Variants in FLRT2 observed in about 807,000 individuals in gnomAD.
FLRT2 encodes leucine-rich repeat transmembrane protein FLRT2.
FLRT2 carries 15 observed loss-of-function variants against 40.0 expected under a neutral mutation model. The ratio of observed to expected loss-of-function variants is 0.38; its 90% CI spans 0.25 to 0.58. FLRT2 has a LOEUF of 0.58. Ranked by LOEUF, FLRT2 falls within the 20% of genes least tolerant of loss-of-function variation. The pLI is 0.71. For missense variants in FLRT2, 726 were observed against 840.0 expected (o/e 0.86, Z 1.68); for synonymous variants, 380 against 336.8 (o/e 1.13, Z -1.41).
At chr14:85,537,710 G>A (rs1166335106) in intron 1 of FLRT2, among the ~76,000 whole-genome samples, 1 of 151,800 alleles carries the variant, frequency 6.6e-6, no homozygotes. Context: ...CACAAATATT[G>A]TAATAAAAAT....
intron 1 of FLRT2, among the ~76,000 whole-genome samples, chr14:85,535,956 T>A (rs1888637398): frequency 7.6e-6 from 1 of 131,164 alleles, no homozygotes; most frequent in Non-Finnish European, 1.6e-5. Context: ...TTAAAGCCCA[T>A]GTCTTAACAC....
At position 85,550,230 on chromosome 14, in the gene FLRT2, TAG is replaced by T. The variant is rs576689288; in HGVS notation, c.-377+19697_-377+19698del. 5.0e-3 allele frequency among the ~76,000 whole-genome samples: 765 copies of T among 152,178 alleles called. 4 individuals carry two copies. Among genetic ancestry groups the T allele is most frequent in the Non-Finnish European group, 7.9e-3 (539 of 67,992 alleles). On this transcript the variant is annotated intron_variant, in intron 1 of 1. Transcript: ENST00000330753. ...CAGCTTGTCACTATAAACGAGAAAA[TAG>T]CCACATTCGTAATATATTCTATGGG...
At chr14:85,554,372 T>C (rs1459404563) in intron 1 of FLRT2, among the ~76,000 whole-genome samples, 1 of 152,198 alleles carries the variant, frequency 6.6e-6, no homozygotes, top group East Asian at 1.9e-4. Context: ...TGTGCTTCAT[T>C]TTCTGATATA....
rs1172513592 is a variant in FLRT2 at position 85,632,897 on chromosome 14, T to G, written c.*9400T>G. On this transcript the variant is annotated 3_prime_UTR_variant, in exon 2 of 2. Transcript: ENST00000330753. Reference sequence around the variant, plus strand: ...TTGCACTTTAGGGTTATCAGTGTACTTTTCCTAAAATGGGGACAATGATGT... The same window carrying G: ...TTGCACTTTAGGGTTATCAGTGTACGTTTCCTAAAATGGGGACAATGATGT... 1 of 152,246 alleles carries G rather than the reference T, an allele frequency of 6.6e-6. No homozygotes were observed. The highest frequency in any genetic ancestry group is 1.9e-4 in the East Asian group (1 of 5,190). 9.4% of individuals were successfully genotyped at this position (152,246 alleles called of 1,614,324 possible).
chr14:85,610,335 G>T (rs1170296865), intron 1 of FLRT2, among the ~76,000 whole-genome samples: 1 of 152,028 alleles, frequency 6.6e-6, no homozygotes, highest in East Asian at 1.9e-4. Flanking sequence ...CCAGGCTCTT[G>T]TTCTTGATAA....
intron 1 of FLRT2, among the ~76,000 whole-genome samples, chr14:85,604,240 AG>A (rs1343945815): frequency 2.6e-5 from 4 of 152,192 alleles, no homozygotes; most frequent in Non-Finnish European, 5.9e-5. Context: ...CGCCTAGGAA[AG>A]GTAAGTGATG....
At chr14:85,566,558 T>TGTGTGTGTGCGTGTGTGTGTGTGTGTGC (rs71120520) in intron 1 of FLRT2, among the ~76,000 whole-genome samples, 1 of 150,920 alleles carries the variant, frequency 6.6e-6, no homozygotes, top group Non-Finnish European at 1.5e-5. Flanking sequence ...GTTGTGTGTG[T>TGTGTGTGTGCGTGTGTGTGTGTGTGTGC]GTGTGTGTGT....
intron 1 of FLRT2, among the ~76,000 whole-genome samples, chr14:85,585,408 C>T (rs1031917053): frequency 6.6e-6 from 1 of 152,106 alleles, no homozygotes; most frequent in Non-Finnish European, 1.5e-5. Flanking sequence ...TTTGATGGGG[C>T]CCAGCAGTGT....
chr14:85,596,853 A>G (rs1892162037), intron 1 of FLRT2, among the ~76,000 whole-genome samples: 1 of 152,154 alleles, frequency 6.6e-6, no homozygotes, highest in Non-Finnish European at 1.5e-5. Flanking sequence ...GCTGGGAGAG[A>G]GCATATGGCC....
intron 1 of FLRT2, among the ~76,000 whole-genome samples, chr14:85,590,789 G>A (rs560851561): frequency 6.6e-6 from 1 of 152,050 alleles, no homozygotes; most frequent in South Asian, 2.1e-4. Context: ...GTAGAGATGG[G>A]GTTTCACCAT....
intron 1 of FLRT2, among the ~76,000 whole-genome samples, chr14:85,607,723 G>C (rs1892684821): frequency 6.6e-6 from 1 of 152,122 alleles, no homozygotes; most frequent in Non-Finnish European, 1.5e-5. Context: ...AATTAGTTGT[G>C]GCATGCTTGT....
At chr14:85,565,739 G>T (rs189069333) in intron 1 of FLRT2, among the ~76,000 whole-genome samples, 18 of 152,252 alleles carry the variant, frequency 1.2e-4, no homozygotes, top group African/African-American at 3.9e-4. Context: ...AAGAATCCTA[G>T]ATTGAAAGCT....
At chr14:85,605,179 A>G (rs2139340311) in intron 1 of FLRT2, among the ~76,000 whole-genome samples, 1 of 152,342 alleles carries the variant, frequency 6.6e-6, no homozygotes. Flanking sequence ...ATTGTCAAGA[A>G]AGACCATTTA....
chr14:85,569,390 C>A (rs1890790839), intron 1 of FLRT2, among the ~76,000 whole-genome samples: 1 of 152,162 alleles, frequency 6.6e-6, no homozygotes, highest in African/African-American at 2.4e-5. Flanking sequence ...GTACCAGGAG[C>A]AGCAGGGAGG....
intron 1 of FLRT2, among the ~76,000 whole-genome samples, chr14:85,563,945 G>C (rs1022328330): frequency 2.6e-5 from 4 of 152,168 alleles, no homozygotes; most frequent in African/African-American, 9.7e-5. Context: ...GGGAAGACAT[G>C]AGAGTTTAAA....
At chr14:85,580,019 T>C (rs1434534188) in intron 1 of FLRT2, among the ~76,000 whole-genome samples, 3 of 151,368 alleles carry the variant, frequency 2.0e-5, no homozygotes, top group Non-Finnish European at 4.4e-5. Context: ...TTCTCCAGTC[T>C]GGCTTGGGTT....
intron 1 of FLRT2, among the ~76,000 whole-genome samples, chr14:85,570,621 G>A (rs8013986): frequency 0.23 from 34,751 of 148,080 alleles, 5,046 homozygotes; most frequent in African/African-American, 0.41. Flanking sequence ...TCACTCTGTC[G>A]CCCAGGCTGG....
intron 1 of FLRT2, among the ~76,000 whole-genome samples, chr14:85,568,682 C>T (rs557166013): frequency 3.9e-5 from 6 of 152,206 alleles, no homozygotes; most frequent in South Asian, 2.1e-4. Flanking sequence ...CTGCACTCTT[C>T]GCCCCACAAT....
At chr14:85,575,102 CT>C (rs1436126647) in intron 1 of FLRT2, among the ~76,000 whole-genome samples, 1 of 152,180 alleles carries the variant, frequency 6.6e-6, no homozygotes, top group Non-Finnish European at 1.5e-5. Context: ...TTTGCTTTGG[CT>C]TTTATTTAAT....
Sources: gnomAD v4.1 joint callset for allele counts (sites outside exome capture counted in the v4.1 genomes callset) on GRCh38, gnomAD v4.1.1 for gene constraint, MANE v1.5 for transcripts, NCBI Gene and HGNC (gene_info 2026-07-23, HGNC 2026-07-21) for gene names.